ARHGEF9: variants seen among roughly 807,000 people sequenced by gnomAD.
ARHGEF9 encodes Cdc42 guanine nucleotide exchange factor 9.
A neutral mutation model predicts 41.3 loss-of-function variants in ARHGEF9; 2 were observed. The ratio of observed to expected loss-of-function variants is 0.05; its 90% CI spans 0.02 to 0.15. ARHGEF9 has a LOEUF of 0.15. Ranked by LOEUF, ARHGEF9 falls within the 10% of genes least tolerant of loss-of-function variation. The pLI is 1.00. For missense variants in ARHGEF9, 225 were observed against 424.7 expected (o/e 0.53, Z 4.13); for synonymous variants, 160 against 154.4 (o/e 1.04, Z -0.27).
chrX:63,732,881 G>A (rs562056458), intron 1 of ARHGEF9, among the ~76,000 whole-genome samples: 2 of 111,702 alleles, frequency 1.8e-5, no homozygotes, highest in African/African-American at 3.2e-5. Flanking sequence ...TACACGTAGC[G>A]ACACTGGGGC....
chrX:63,692,797 T>C (rs1370700572), intron 4 of ARHGEF9, among the ~76,000 whole-genome samples: 1 of 112,101 alleles, frequency 8.9e-6, no homozygotes, highest in Non-Finnish European at 1.9e-5. Flanking sequence ...AGCCAAGATA[T>C]GGAATCAACC....
intron 4 of ARHGEF9, among the ~76,000 whole-genome samples, chrX:63,696,298 TA>T (rs782231670): frequency 8.9e-6 from 1 of 111,927 alleles, no homozygotes; most frequent in East Asian, 2.8e-4. Flanking sequence ...ATAAATACTT[TA>T]TTAAAAGGGG....
chrX:63,753,391 C>A (rs1435818598), intron 1 of ARHGEF9, among the ~76,000 whole-genome samples: 1 of 111,830 alleles, frequency 8.9e-6, no homozygotes, highest in Non-Finnish European at 1.9e-5. Flanking sequence ...CGGGAGCAAA[C>A]AATAGCATCA....
At chrX:63,742,085 A>C (rs1175712095) in intron 1 of ARHGEF9, among the ~76,000 whole-genome samples, 4 of 112,486 alleles carry the variant, frequency 3.6e-5, no homozygotes, top group African/African-American at 1.3e-4. Context: ...ACCTGGGTTC[A>C]GATTTCATCT....
At chrX:63,770,678 G>A (rs782563347) in intron 1 of ARHGEF9, among the ~76,000 whole-genome samples, 28 of 111,759 alleles carry the variant, frequency 2.5e-4, no homozygotes, top group Admixed American at 3.8e-4. Flanking sequence ...CTTGTTCAAC[G>A]GTGGGGCCAG....
chrX:63,765,666 G>A (rs782620792), intron 1 of ARHGEF9, among the ~76,000 whole-genome samples: 35 of 111,574 alleles, frequency 3.1e-4, no homozygotes, highest in Non-Finnish European at 6.0e-4. Context: ...AGAGTGGAAA[G>A]AACAAAGGAT....
intron 1 of ARHGEF9, among the ~76,000 whole-genome samples, chrX:63,734,644 G>A (rs1556421751): frequency 9.0e-6 from 1 of 111,656 alleles, no homozygotes. Context: ...TATCCTTCTT[G>A]TGTCAGATTC....
chrX:63,665,881 G>T lies in ARHGEF9; in HGVS notation c.1077+5C>A. On this transcript the variant is annotated splice_donor_5th_base_variant and intron_variant, in intron 7 of 9. Transcript: ENST00000671741. ...CTCCCTCAGGGAAGAAGGGGGCAGG[G>T]TTACCTTCTTGCAGAGGACCATCTG... 1 of 1,210,429 alleles carries T rather than the reference G, an allele frequency of 8.3e-7. No individual in the cohort carries two copies. Among genetic ancestry groups the T allele is most frequent in the Non-Finnish European group, 1.1e-6 (1 of 894,979 alleles).
intron 6 of ARHGEF9, among the ~76,000 whole-genome samples, chrX:63,673,489 T>C (rs1395183921): frequency 2.7e-5 from 3 of 111,190 alleles, no homozygotes; most frequent in Admixed American, 9.6e-5. Context: ...TGCAATGAAA[T>C]AATCAGGGAT....
intron 6 of ARHGEF9, among the ~76,000 whole-genome samples, chrX:63,668,376 G>A (rs1165725110): frequency 1.8e-5 from 2 of 111,111 alleles, no homozygotes; most frequent in Non-Finnish European, 3.8e-5. Context: ...GACCTCAAGC[G>A]ATCCACCGAC....
chrX:63,768,469 T>C (rs1402482452), intron 1 of ARHGEF9, among the ~76,000 whole-genome samples: 1 of 112,428 alleles, frequency 8.9e-6, no homozygotes, highest in Non-Finnish European at 1.9e-5. Flanking sequence ...TTTGATATAA[T>C]GACTTCTTTC....
chrX:63,672,988 T>C (rs1350510384), intron 6 of ARHGEF9, among the ~76,000 whole-genome samples: 2 of 112,133 alleles, frequency 1.8e-5, no homozygotes, highest in African/African-American at 3.2e-5. Context: ...CAAAGTGCTG[T>C]TCTACTTATA....
chrX:63,726,356 T>G (rs1602585232), intron 1 of ARHGEF9, among the ~76,000 whole-genome samples: 1 of 112,174 alleles, frequency 8.9e-6, no homozygotes, highest in African/African-American at 3.2e-5. Context: ...TTTTATTTTT[T>G]GGGACGGAAT....
At chrX:63,647,560 C>T (rs1383594806) in intron 8 of ARHGEF9, among the ~76,000 whole-genome samples, 3 of 111,591 alleles carry the variant, frequency 2.7e-5, no homozygotes, top group Non-Finnish European at 3.8e-5. Context: ...TTGAACCAGC[C>T]TTGCAACCCA....
intron 1 of ARHGEF9, among the ~76,000 whole-genome samples, chrX:63,780,739 C>T (rs1327875900): frequency 1.8e-5 from 2 of 111,489 alleles, no homozygotes; most frequent in Admixed American, 9.5e-5. Context: ...ATCCTTTAAT[C>T]GACACTTTAT....
chrX:63,682,133 C>CAATA (rs572010099), intron 4 of ARHGEF9, among the ~76,000 whole-genome samples: 12,151 of 101,439 alleles, frequency 0.12, 823 homozygotes, highest in Non-Finnish European at 0.17. Flanking sequence ...TTAAACTCTT[C>CAATA]AATAAATAAA....
chrX:63,690,580 C>T (rs1556380430), intron 4 of ARHGEF9, among the ~76,000 whole-genome samples: 1 of 111,525 alleles, frequency 9.0e-6, no homozygotes, highest in Non-Finnish European at 1.9e-5. Flanking sequence ...GATAATAATT[C>T]TATGCAAATT....
chrX:63,728,118 T>C (rs1424986558), intron 1 of ARHGEF9, among the ~76,000 whole-genome samples: 1 of 112,128 alleles, frequency 8.9e-6, no homozygotes, highest in Non-Finnish European at 1.9e-5. Context: ...GGGGCTTCTG[T>C]GTTCTCTCCT....
chrX:63,720,885 T>C (rs1475893962), intron 2 of ARHGEF9, among the ~76,000 whole-genome samples: 2 of 112,357 alleles, frequency 1.8e-5, no homozygotes, highest in Non-Finnish European at 3.8e-5. Flanking sequence ...TCCCGGCTTT[T>C]CTTGAAATAC....
Sources: gnomAD v4.1 joint callset for allele counts (sites outside exome capture counted in the v4.1 genomes callset) on GRCh38, gnomAD v4.1.1 for gene constraint, MANE v1.5 for transcripts, NCBI Gene and HGNC (gene_info 2026-07-23, HGNC 2026-07-21) for gene names.